CTNND2: variants seen among roughly 807,000 people sequenced by gnomAD.
CTNND2 encodes catenin delta 2.
Under a neutral mutation model 144.4 loss-of-function variants are expected in CTNND2, and 22 were observed. That is an observed-to-expected ratio of 0.15 (90% confidence interval 0.11 to 0.22). CTNND2 has a LOEUF of 0.22. CTNND2 is among the 10% of genes least tolerant of loss of function. CTNND2 has a pLI of 1.00. For synonymous variants in CTNND2, 751 were observed against 695.6 expected (o/e 1.08, Z -1.25); for missense variants, 1,353 against 1,618.8 (o/e 0.84, Z 2.82).
intron 8 of CTNND2, 112 bp from the exon 9 acceptor site, chr5:11,346,739 C>A: frequency 1.0e-6 from 1 of 996,832 alleles, no homozygotes; most frequent in South Asian, 2.7e-5. Context: ...ATAGGGGGTT[C>A]AAAAGAATAA....
chr5:11,012,448 AT>A (rs1741192860), intron 18 of CTNND2, among the ~76,000 whole-genome samples: 1 of 152,210 alleles, frequency 6.6e-6, no homozygotes, highest in Admixed American at 6.5e-5. Context: ...GCCAGAGACC[AT>A]TTTAAGAGGT....
intron 2 of CTNND2, among the ~76,000 whole-genome samples, chr5:11,709,736 AG>A (rs1487148990): frequency 2.0e-5 from 3 of 152,262 alleles, no homozygotes; most frequent in African/African-American, 7.2e-5. Context: ...TGATGCTGTC[AG>A]TAAGTATAAG....
chr5:11,564,832 A>G (rs1776947262), intron 3 of CTNND2, 112 bp downstream of exon 3: 5 of 685,900 alleles, frequency 7.3e-6, no homozygotes, highest in South Asian at 2.0e-5. Flanking sequence ...TTTCTTTCCA[A>G]CGTTTGACTG....
chr5:11,643,732 ACCAAAAAATAATTATAATGTTTT>A (rs1782194166), intron 2 of CTNND2, among the ~76,000 whole-genome samples: 1 of 152,124 alleles, frequency 6.6e-6, no homozygotes, highest in African/African-American at 2.4e-5. Context: ...ATTGTGAGAG[ACCAAAAAATAATTATAATGTTTT>A]TTCTATTTTT....
intron 12 of CTNND2, among the ~76,000 whole-genome samples, chr5:11,141,616 A>C (rs1016856020): frequency 6.6e-5 from 10 of 152,182 alleles, no homozygotes; most frequent in African/African-American, 2.4e-4. Flanking sequence ...CAGCCGTGCA[A>C]GCTGGCAAAG....
intron 9 of CTNND2, among the ~76,000 whole-genome samples, chr5:11,285,748 C>T (rs949689298): frequency 1.2e-4 from 19 of 152,162 alleles, no homozygotes; most frequent in African/African-American, 4.6e-4. Flanking sequence ...AACCAGAATC[C>T]TCTTTAGCTC....
intron 1 of CTNND2, among the ~76,000 whole-genome samples, chr5:11,833,468 G>GT (rs78364838): frequency 0.021 from 3,173 of 152,158 alleles, 139 homozygotes; most frequent in East Asian, 0.2. Flanking sequence ...GGCAGGGAGG[G>GT]TACAGGTGGT....
At chr5:11,839,784 T>TAGAGAGAGAGAGAG (rs113307076) in intron 1 of CTNND2, among the ~76,000 whole-genome samples, 1 of 145,748 alleles carries the variant, frequency 6.9e-6, no homozygotes, top group African/African-American at 2.5e-5. Context: ...TAGACATAGG[T>TAGAGAGAGAGAGAG]AGAGAGAGAG....
At chr5:11,445,493 G>A (rs984780290) in intron 3 of CTNND2, among the ~76,000 whole-genome samples, 14 of 152,126 alleles carry the variant, frequency 9.2e-5, no homozygotes, top group African/African-American at 2.4e-4. Context: ...TGAGAGTATC[G>A]GGAGTCTCCA....
At chr5:11,181,961 C>G (rs1428590131) in intron 11 of CTNND2, among the ~76,000 whole-genome samples, 2 of 93,734 alleles carry the variant, frequency 2.1e-5, no homozygotes, top group African/African-American at 8.5e-5. Context: ...TGCGTGGTAT[C>G]TGTGTAGTAT....
At chr5:11,114,311 A>T (rs1753327988) in intron 13 of CTNND2, among the ~76,000 whole-genome samples, 1 of 152,052 alleles carries the variant, frequency 6.6e-6, no homozygotes, top group African/African-American at 2.4e-5. Flanking sequence ...ATGCTTTATA[A>T]TCGAGCTGCA....
chr5:11,758,071 T>C (rs1789049410), intron 1 of CTNND2, among the ~76,000 whole-genome samples: 1 of 151,990 alleles, frequency 6.6e-6, no homozygotes, highest in South Asian at 2.1e-4. Context: ...TACATCCTAT[T>C]ACAAAACAAT....
intron 1 of CTNND2, among the ~76,000 whole-genome samples, chr5:11,743,787 A>T (rs1213451903): frequency 6.6e-6 from 1 of 152,052 alleles, no homozygotes; most frequent in Non-Finnish European, 1.5e-5. Context: ...TGTCAAACAC[A>T]AGGGGATTAC....
At position 11,183,298 on chromosome 5, in the gene CTNND2, G is replaced by A. The variant is rs76322966; in HGVS notation, c.1975+16150C>T. 1.2e-4 allele frequency among the ~76,000 whole-genome samples: 19 copies of A among 152,256 alleles called. No individual in the cohort carries two copies. The East Asian group carries it at 3.3e-3, about 26-fold the overall frequency. ...TGTTAAATACAAATTTCTATCTCCTGTTAATTTAACGAAGCCTTAGGAAGT... is the reference window on the plus strand; with the variant it reads ...TGTTAAATACAAATTTCTATCTCCTATTAATTTAACGAAGCCTTAGGAAGT... On this transcript the variant is annotated intron_variant, in intron 11 of 21. Coordinates refer to ENST00000304623, the MANE Select transcript of CTNND2 (RefSeq NM_001332.4).
chr5:11,163,667 T>C (rs1207487607), intron 11 of CTNND2, among the ~76,000 whole-genome samples: 2 of 152,184 alleles, frequency 1.3e-5, no homozygotes, highest in African/African-American at 4.8e-5. Flanking sequence ...GACACTTTAA[T>C]TCTTACTCCT....
chr5:11,242,012 GA>G (rs897423108), intron 9 of CTNND2, among the ~76,000 whole-genome samples: 10 of 151,886 alleles, frequency 6.6e-5, no homozygotes, highest in Admixed American at 4.6e-4. Flanking sequence ...CTCCAGAGAG[GA>G]CGGCTGTCTG....
intron 9 of CTNND2, among the ~76,000 whole-genome samples, chr5:11,328,361 C>A (rs1359525041): frequency 6.6e-6 from 1 of 151,350 alleles, no homozygotes; most frequent in Non-Finnish European, 1.5e-5. Context: ...GGTGCCATCA[C>A]GGCTCACTGC....
chr5:11,609,769 T>A (rs777415312), intron 2 of CTNND2, among the ~76,000 whole-genome samples: 6 of 152,140 alleles, frequency 3.9e-5, no homozygotes, highest in Non-Finnish European at 8.8e-5. Flanking sequence ...CCAGGTGGGT[T>A]TGAAGCCACC....
chr5:11,632,933 A>G (rs1214606274), intron 2 of CTNND2, among the ~76,000 whole-genome samples: 2 of 152,200 alleles, frequency 1.3e-5, no homozygotes, highest in Admixed American at 6.5e-5. Context: ...AAGAAAGACC[A>G]GTAGAGATTA....
Sources: allele counts gnomAD v4.1 joint callset (sites outside exome capture counted in the v4.1 genomes callset), GRCh38; gene constraint gnomAD v4.1.1; transcripts MANE v1.5; gene names NCBI Gene and HGNC (gene_info 2026-07-23, HGNC 2026-07-21).